The following RYR2 variants were observed in gnomAD, a reference collection of about 807,000 sequenced individuals.
The protein encoded by RYR2 is cardiac muscle ryanodine receptor-calcium release channel.
RYR2 carries 227 observed loss-of-function variants against 601.1 expected under a neutral mutation model. The observed-to-expected ratio is 0.38, with a 90% CI of 0.34 to 0.42. The LOEUF is 0.42. Among genes scored for constraint, RYR2 ranks in the 10% least tolerant of loss-of-function variants. The pLI is 1.00. For missense variants in RYR2, 4,646 were observed against 6,156.5 expected (o/e 0.75, Z 8.21); for synonymous variants, 2,223 against 2,175.1 (o/e 1.02, Z -0.61).
At chr1:237,326,679 G>A (rs1696206921) in intron 2 of RYR2, among the ~76,000 whole-genome samples, 1 of 152,190 alleles carries the variant, frequency 6.6e-6, no homozygotes, top group Non-Finnish European at 1.5e-5. Flanking sequence ...CTTTCACATT[G>A]AAGTTCTAAA....
At chr1:237,792,380 T>TGTGTGTGTGA in intron 94 of RYR2, 57 bp downstream of exon 94, 1 of 838,192 alleles carries the variant, frequency 1.2e-6, no homozygotes, top group East Asian at 2.8e-5. Flanking sequence ...TGTGTGTGTG[T>TGTGTGTGTGA]GCGTGTGTGT....
At chr1:237,766,600 A>AG (rs1693865987) in intron 84 of RYR2, among the ~76,000 whole-genome samples, 2 of 152,200 alleles carry the variant, frequency 1.3e-5, no homozygotes, top group Non-Finnish European at 1.5e-5. Context: ...GTCTCAAGGC[A>AG]GGGAGATCAG....
chr1:237,405,139 C>T (rs1703733536), intron 10 of RYR2, among the ~76,000 whole-genome samples: 1 of 152,146 alleles, frequency 6.6e-6, no homozygotes, highest in African/African-American at 2.4e-5. Flanking sequence ...ACTGATTACA[C>T]AGGAATAGAC....
chr1:237,051,679 G>C (rs1661300896), intron 1 of RYR2, among the ~76,000 whole-genome samples: 1 of 152,072 alleles, frequency 6.6e-6, no homozygotes, highest in South Asian at 2.1e-4. Context: ...TTGTCTGGCA[G>C]GTCTGTTCTA....
rs943551619 is a variant in RYR2 at position 237,180,148 on chromosome 1, G to C, written c.49-90349G>C. Among the ~76,000 whole-genome samples the C allele has an allele frequency of 6.6e-6, 1 of 152,072 alleles. No homozygotes were observed. The highest frequency in any genetic ancestry group is 1.5e-5 in the Non-Finnish European group (1 of 68,026). ...AGTGATGAGAATTGGTTGTGAGTTA[G>C]AGCCTGGGACAATGGCCTGATGGGA... On this transcript the variant is annotated intron_variant, in intron 1 of 104. Coordinates refer to ENST00000366574, the MANE Select transcript of RYR2 (RefSeq NM_001035.3). The surrounding 1 kb of genome is among the most constrained non-coding windows in gnomAD (Gnocchi z 5.3).
chr1:237,803,935 C>T (rs953872646), intron 98 of RYR2, among the ~76,000 whole-genome samples: 1 of 152,106 alleles, frequency 6.6e-6, no homozygotes, highest in Admixed American at 6.5e-5. Flanking sequence ...AATTTAATGG[C>T]TTTGCCACTT....
intron 26 of RYR2, among the ~76,000 whole-genome samples, chr1:237,548,953 GC>G (rs2148095402): frequency 6.6e-6 from 1 of 152,280 alleles, no homozygotes; most frequent in East Asian, 1.9e-4. Context: ...AACCCCTGGG[GC>G]CACATAAATT....
chr1:237,275,643 T>C (rs1690202710), intron 2 of RYR2, among the ~76,000 whole-genome samples: 1 of 152,026 alleles, frequency 6.6e-6, no homozygotes, highest in Non-Finnish European at 1.5e-5. Flanking sequence ...CGTAACACAC[T>C]TCAACTTGAA....
rs147673815 is a variant in RYR2, at chr1:237,357,456, C to T, written c.294+1471C>T. 9.5e-4 allele frequency among the ~76,000 whole-genome samples: 145 copies of T among 152,226 alleles called. 1 individual carries two copies. Among genetic ancestry groups the T allele is most frequent in the African/African-American group, 2.8e-3 (115 of 41,544 alleles). On this transcript the variant is annotated intron_variant, in intron 4 of 104. Transcript: ENST00000366574. ...GTGCCATATCTGGATTGGTATTGACCAACCACTCAAGCTGCTTTTACTTAC... is the reference window on the plus strand; with the variant it reads ...GTGCCATATCTGGATTGGTATTGACTAACCACTCAAGCTGCTTTTACTTAC...
intron 91 of RYR2, 182 bp from the exon 92 acceptor site, chr1:237,787,806 A>G: frequency 3.2e-6 from 2 of 615,406 alleles, no homozygotes; most frequent in South Asian, 2.2e-5. Flanking sequence ...GGGGACTGTG[A>G]TCAACAGAAA....
intron 1 of RYR2, among the ~76,000 whole-genome samples, chr1:237,082,696 A>G (rs1665872701): frequency 6.6e-6 from 1 of 151,582 alleles, no homozygotes; most frequent in Non-Finnish European, 1.5e-5. Context: ...AGTGCTTGTT[A>G]GTTTCTGTGA....
intron 1 of RYR2, among the ~76,000 whole-genome samples, chr1:237,046,205 G>A (rs896758537): frequency 6.6e-6 from 1 of 152,178 alleles, no homozygotes; most frequent in African/African-American, 2.4e-5. Context: ...CTGCATAGTA[G>A]TTTGGATGGG....
At chr1:237,364,326 A>C in intron 4 of RYR2, 32 bp from the exon 5 acceptor site, 2 of 1,565,894 alleles carry the variant, frequency 1.3e-6, no homozygotes, top group Admixed American at 1.8e-5. Flanking sequence ...TGTCTATTTA[A>C]TGTTTCCTCT....
chr1:237,635,005 C>G lies in RYR2; in HGVS notation c.6792+13C>G. On this transcript the variant is annotated intron_variant, in intron 44 of 104. Coordinates refer to ENST00000366574, the MANE Select transcript of RYR2 (RefSeq NM_001035.3). ...GGATCTAGAAAAGGTGAGCAATGTT[C>G]CTGCCCTGTGTGTTTGTCTGAATTA... The G allele has an allele frequency of 6.6e-7, 1 of 1,514,072 alleles. No individual in the cohort carries two copies. The highest frequency in any genetic ancestry group is 1.3e-5 in the South Asian group (1 of 77,050). 93.8% of individuals were successfully genotyped at this position (1,514,072 alleles called of 1,614,324 possible). A position where few individuals can be genotyped will look rare whatever the true frequency, so the allele number is the denominator to read the frequency against.
chr1:237,096,204 T>C (rs896500161), intron 1 of RYR2, among the ~76,000 whole-genome samples: 6 of 152,184 alleles, frequency 3.9e-5, no homozygotes, highest in African/African-American at 1.4e-4. Context: ...AATGCCCTAT[T>C]TCAAATACTT....
intron 19 of RYR2, 143 bp from the exon 20 acceptor site, chr1:237,496,368 A>G: frequency 9.3e-7 from 1 of 1,073,232 alleles, no homozygotes; most frequent in Non-Finnish European, 1.3e-6. Context: ...TGATTGCACT[A>G]CTGCGCTTCA....
chr1:237,812,015 A>G, intron 100 of RYR2, among the ~76,000 whole-genome samples: 1 of 152,154 alleles, frequency 6.6e-6, no homozygotes, highest in South Asian at 2.1e-4. Context: ...CTTATATAGC[A>G]CTTGGCTATA....
intron 12 of RYR2, among the ~76,000 whole-genome samples, chr1:237,437,361 T>C (rs1382513573): frequency 6.6e-6 from 1 of 152,154 alleles, no homozygotes; most frequent in Non-Finnish European, 1.5e-5. Flanking sequence ...CACATCTGGG[T>C]CTATTTTAAT....
rs757577119 is a variant in RYR2, at chr1:237,787,984, A to G, written c.13329-4A>G. The stretch of plus-strand genomic sequence containing the variant: ...GCTTATGTTTTGTTTGTTTGTTTTC[A>G]TAGGGGAGAAGATGGAGAAAAAGAA... On this transcript the variant is annotated splice_polypyrimidine_tract_variant and splice_region_variant and intron_variant, in intron 91 of 104. Transcript: ENST00000366574. 5 of 1,582,918 alleles carry G rather than the reference A, an allele frequency of 3.2e-6. No homozygotes were observed. In the South Asian group the frequency reaches 3.4e-5, roughly 11 times the overall value.
Sources: gnomAD v4.1 joint callset for allele counts (sites outside exome capture counted in the v4.1 genomes callset) on GRCh38, gnomAD v4.1.1 for gene constraint, Gnocchi (gnomAD v3.1) non-coding constraint, MANE v1.5 for transcripts, NCBI Gene and HGNC (gene_info 2026-07-23, HGNC 2026-07-21) for gene names.